Variants in MARCHF1 observed in about 807,000 individuals in gnomAD.
MARCHF1 encodes E3 ubiquitin-protein ligase MARCHF1.
MARCHF1 carries 40 observed loss-of-function variants against 54.2 expected under a neutral mutation model. The ratio of observed to expected loss-of-function variants is 0.74; its 90% CI spans 0.57 to 0.96. The LOEUF (loss-of-function observed/expected upper bound fraction) is 0.96, where lower values mean the gene tolerates loss of function less well. Among genes scored for constraint, MARCHF1 ranks in the 40% least tolerant of loss-of-function variants. The pLI, the probability that MARCHF1 is intolerant of heterozygous loss-of-function variation, is 0.00. For missense variants in MARCHF1, 586 were observed against 656.5 expected, an observed-to-expected ratio of 0.89 and a Z score of 1.17; for synonymous variants, 236 against 236.3, an observed-to-expected ratio of 1.00 and a Z score of 0.01.
chr4:163,885,650 G>A (rs1355674568), intron 3 of MARCHF1, among the ~76,000 whole-genome samples: 2 of 152,026 alleles, frequency 1.3e-5, no homozygotes, highest in Admixed American at 6.6e-5. Context: ...ACCATAGACA[G>A]CATTTAAAAA....
chr4:163,601,054 G>T (rs1292550263), intron 7 of MARCHF1, among the ~76,000 whole-genome samples: 5 of 152,144 alleles, frequency 3.3e-5, no homozygotes, highest in Admixed American at 3.3e-4. Context: ...TGAGGTTGCT[G>T]CAGGGGCATT....
At chr4:164,281,425 G>A (rs991630029) in intron 1 of MARCHF1, among the ~76,000 whole-genome samples, 8 of 152,144 alleles carry the variant, frequency 5.3e-5, no homozygotes, top group Non-Finnish European at 1.5e-5. Context: ...GGGGAGCATT[G>A]ATAACAATAC....
intron 3 of MARCHF1, among the ~76,000 whole-genome samples, chr4:163,970,254 A>G (rs910636115): frequency 2.0e-5 from 3 of 152,242 alleles, no homozygotes; most frequent in Non-Finnish European, 4.4e-5. Flanking sequence ...TTTTACTGCA[A>G]TCTGACTGAA....
chr4:164,237,367 G>C (rs1290601497), intron 1 of MARCHF1, among the ~76,000 whole-genome samples: 1 of 152,014 alleles, frequency 6.6e-6, no homozygotes, highest in Non-Finnish European at 1.5e-5. Flanking sequence ...CCCATTCTGT[G>C]TATCATGCTT....
intron 3 of MARCHF1, among the ~76,000 whole-genome samples, chr4:163,983,171 G>A (rs1250179495): frequency 6.6e-6 from 1 of 152,168 alleles, no homozygotes; most frequent in Non-Finnish European, 1.5e-5. Context: ...GCCTTTGTGT[G>A]CCAAAGTGAA....
intron 5 of MARCHF1, among the ~76,000 whole-genome samples, chr4:163,623,515 C>G (rs1741758283): frequency 6.6e-6 from 1 of 152,172 alleles, no homozygotes; most frequent in Admixed American, 6.5e-5. Flanking sequence ...ATCCACGTTT[C>G]TTGCACAAGC....
At chr4:164,047,325 A>T (rs995805933) in intron 2 of MARCHF1, among the ~76,000 whole-genome samples, 2 of 152,168 alleles carry the variant, frequency 1.3e-5, no homozygotes, top group Non-Finnish European at 2.9e-5. Flanking sequence ...CAATCATGTG[A>T]CTGGGCCTAG....
At chr4:163,871,027 T>G (rs116345775) in intron 3 of MARCHF1, among the ~76,000 whole-genome samples, 2,249 of 152,240 alleles carry the variant, frequency 0.015, 35 homozygotes, top group Non-Finnish European at 0.02. Flanking sequence ...ATATTTGAGG[T>G]GATGAATATA....
intron 4 of MARCHF1, among the ~76,000 whole-genome samples, chr4:163,820,159 C>T (rs895465317): frequency 3.3e-5 from 5 of 152,042 alleles, no homozygotes; most frequent in Non-Finnish European, 5.9e-5. Flanking sequence ...CAATAGTCCA[C>T]TGAAATAGTT....
chr4:164,195,609 A>T (rs1731234465), intron 1 of MARCHF1, among the ~76,000 whole-genome samples: 1 of 152,108 alleles, frequency 6.6e-6, no homozygotes, highest in Non-Finnish European at 1.5e-5. Context: ...TGTGCTTGGG[A>T]TCTAGAATTT....
intron 1 of MARCHF1, among the ~76,000 whole-genome samples, chr4:164,185,523 T>C (rs1452714994): frequency 3.3e-5 from 5 of 152,096 alleles, no homozygotes; most frequent in Non-Finnish European, 7.4e-5. Flanking sequence ...CAACATTAAG[T>C]ACTGAGAGAC....
intron 3 of MARCHF1, among the ~76,000 whole-genome samples, chr4:163,926,724 C>T (rs192591841): frequency 6.6e-6 from 1 of 151,536 alleles, no homozygotes; most frequent in African/African-American, 2.4e-5. Context: ...GTTTGCATTT[C>T]TCTGATACTA....
chr4:163,586,788 G>T (rs563565028), intron 7 of MARCHF1, among the ~76,000 whole-genome samples: 50 of 152,142 alleles, frequency 3.3e-4, no homozygotes, highest in Non-Finnish European at 4.9e-4. Flanking sequence ...TCAGACCATG[G>T]CATGTAATTT....
At chr4:164,350,545 T>C (rs1295854235) in intron 1 of MARCHF1, among the ~76,000 whole-genome samples, 1 of 152,190 alleles carries the variant, frequency 6.6e-6, no homozygotes, top group African/African-American at 2.4e-5. Context: ...TTTGAGGTGA[T>C]GGATAAGCTA....
At chr4:163,959,438 G>T (rs1005551918) in intron 3 of MARCHF1, among the ~76,000 whole-genome samples, 4 of 151,384 alleles carry the variant, frequency 2.6e-5, no homozygotes, top group African/African-American at 9.7e-5. Context: ...CAGTAACCAA[G>T]ACAGCATGGT....
At chr4:163,847,841 A>C (rs1006487530) in intron 4 of MARCHF1, among the ~76,000 whole-genome samples, 3 of 152,236 alleles carry the variant, frequency 2.0e-5, no homozygotes, top group Admixed American at 2.0e-4. Context: ...TCAGCCTCCC[A>C]AAATGCTGGG....
At chr4:163,633,780 A>G (rs958157721) in intron 5 of MARCHF1, among the ~76,000 whole-genome samples, 105 of 152,126 alleles carry the variant, frequency 6.9e-4, no homozygotes, top group African/African-American at 2.3e-3. Flanking sequence ...GAGCAACTCC[A>G]AGACACATAA....
rs905654915 is a variant in MARCHF1 at position 163,988,284 on chromosome 4, T to C, written c.-39+217A>G. Among the ~76,000 whole-genome samples, 6 of 152,302 alleles carry C rather than the reference T, an allele frequency of 3.9e-5. 1 individual carries two copies. Among genetic ancestry groups the C allele is most frequent in the South Asian group, 4.1e-4 (2 of 4,824 alleles). ...AAGTTTCCATCTGTCAAGTAGGAAG[T>C]GTCCCTATGGATCTGGCTCCTCTCT... On this transcript the variant is annotated intron_variant, in intron 3 of 9. Coordinates refer to ENST00000514618, the MANE Select transcript of MARCHF1 (RefSeq NM_001394959.1).
In MARCHF1 at chr4:164,021,673, G is replaced by A. The variant is rs145760582; in HGVS notation, c.-247-32964C>T. Reference sequence around the variant, plus strand: ...CATTTTTGACCAGCCTGGCCAACATGGTGAAACCCTGTCTCTACTAAAAAT... The same window carrying A: ...CATTTTTGACCAGCCTGGCCAACATAGTGAAACCCTGTCTCTACTAAAAAT... On this transcript the variant is annotated intron_variant, in intron 2 of 9. Transcript: ENST00000514618. 4.6e-3 allele frequency among the ~76,000 whole-genome samples: 692 copies of A among 151,816 alleles called. 5 individuals carry two copies. The highest frequency in any genetic ancestry group is 0.016 in the African/African-American group (657 of 41,382).
Sources: allele counts gnomAD v4.1 joint callset (sites outside exome capture counted in the v4.1 genomes callset), GRCh38; gene constraint gnomAD v4.1.1; transcripts MANE v1.5; gene names NCBI Gene and HGNC (gene_info 2026-07-23, HGNC 2026-07-21).